The following UGT1A8 variants were observed in gnomAD, a reference collection of about 807,000 sequenced individuals.
UGT1A8 encodes UDP-glucuronosyltransferase 1A8.
UGT1A8 carries 39 observed loss-of-function variants against 45.3 expected under a neutral mutation model. That is an observed-to-expected ratio of 0.86 (90% CI 0.67 to 1.12). UGT1A8 has a LOEUF of 1.12. Ranked by LOEUF, UGT1A8 falls within the 50% of genes most tolerant of loss-of-function variation. The probability of loss-of-function intolerance (pLI) is 0.00; values close to 1 mark genes in which losing one functional copy is unlikely to be tolerated. For synonymous variants in UGT1A8, 275 were observed against 249.2 expected (o/e 1.10, Z -0.97); for missense variants, 719 against 664.9 (o/e 1.08, Z -0.90).
chr2:233,637,747 T>C (rs1010403745), intron 1 of UGT1A8, among the ~76,000 whole-genome samples: 5 of 152,204 alleles, frequency 3.3e-5, no homozygotes, highest in Non-Finnish European at 5.9e-5. Flanking sequence ...AAAAAAAGTA[T>C]TTTAGGCATA....
intron 1 of UGT1A8, among the ~76,000 whole-genome samples, chr2:233,631,253 G>T (rs1248188463): frequency 6.6e-6 from 1 of 152,128 alleles, no homozygotes; most frequent in Non-Finnish European, 1.5e-5. Flanking sequence ...ATGGGCATTT[G>T]AGTTGGTTCC....
At chr2:233,756,247 A>C (rs1418468215) in intron 1 of UGT1A8, 1 of 152,214 alleles carries the variant, frequency 6.6e-6, no homozygotes, top group Non-Finnish European at 1.5e-5. Context: ...CCTTCCCCAT[A>C]CCAAAATCTA....
chr2:233,645,335 A>G (rs1429719426), intron 1 of UGT1A8, among the ~76,000 whole-genome samples: 3 of 152,168 alleles, frequency 2.0e-5, no homozygotes, highest in Admixed American at 6.5e-5. Context: ...CAGCCAAACC[A>G]TATGATTCCA....
At chr2:233,734,487 G>T (rs1258869591) in intron 1 of UGT1A8, among the ~76,000 whole-genome samples, 1 of 151,866 alleles carries the variant, frequency 6.6e-6, no homozygotes, top group East Asian at 1.9e-4. Flanking sequence ...TGATTTTTTT[G>T]AAGGTTTTTT....
At chr2:233,750,181 G>A (rs571998663) in intron 1 of UGT1A8, among the ~76,000 whole-genome samples, 9 of 151,994 alleles carry the variant, frequency 5.9e-5, no homozygotes. Context: ...TGCTGATAAT[G>A]TTGTGGACAA....
intron 1 of UGT1A8, chr2:233,693,961 T>A (rs2075191738): frequency 1.3e-6 from 2 of 1,580,192 alleles, no homozygotes; most frequent in South Asian, 2.4e-5. Flanking sequence ...CCTTGGAGGA[T>A]TTCCTGGAGA....
intron 1 of UGT1A8, among the ~76,000 whole-genome samples, chr2:233,623,558 A>G (rs1455098664): frequency 6.6e-6 from 1 of 152,180 alleles, no homozygotes; most frequent in Non-Finnish European, 1.5e-5. Flanking sequence ...TACTTAATTA[A>G]ATATAAAAAA....
At chr2:233,760,415 T>A (rs2125983730) in intron 1 of UGT1A8, 1 of 1,614,208 alleles carries the variant, frequency 6.2e-7, no homozygotes, top group Non-Finnish European at 8.5e-7. Flanking sequence ...TGGCTGAGCA[T>A]GCTTGGGGCC....
chr2:233,736,950 T>C (rs2078828860), intron 1 of UGT1A8, among the ~76,000 whole-genome samples: 1 of 152,182 alleles, frequency 6.6e-6, no homozygotes, highest in Non-Finnish European at 1.5e-5. Context: ...AGGTGTCTGT[T>C]GGCCCCTACT....
intron 1 of UGT1A8, chr2:233,713,534 C>T (rs1306966284): frequency 6.2e-7 from 1 of 1,613,828 alleles, no homozygotes; most frequent in African/African-American, 1.3e-5. Flanking sequence ...GTGATTTAGA[C>T]TTTAAGGGCA....
chr2:233,754,673 A>G, intron 1 of UGT1A8: 2 of 470,398 alleles, frequency 4.3e-6, no homozygotes, highest in Non-Finnish European at 8.4e-6. Flanking sequence ...TGATTTTTTT[A>G]CCATCAACTA....
chr2:233,760,371 G>A, intron 1 of UGT1A8: 1 of 1,614,158 alleles, frequency 6.2e-7, no homozygotes, highest in Non-Finnish European at 8.5e-7. Flanking sequence ...CCCATGCTGG[G>A]AAGATACTGT....
At chr2:233,679,003 C>G (rs191810541) in intron 1 of UGT1A8, among the ~76,000 whole-genome samples, 7 of 152,324 alleles carry the variant, frequency 4.6e-5, no homozygotes, top group Admixed American at 4.6e-4. Flanking sequence ...ATAACAGTGG[C>G]ATCTTCAGTG....
chr2:233,617,948 T>C lies in UGT1A8; in HGVS notation c.241T>C (p.Tyr81His). 6.2e-7 allele frequency: 1 copy of C among 1,614,204 alleles called. No homozygotes were observed. Among genetic ancestry groups the C allele is most frequent in the South Asian group, 1.1e-5 (1 of 91,076 alleles). Residue 81 changes from tyrosine (Y) to histidine (H), a missense_variant, in exon 1 of 5, where the codon TAC (tyrosine) becomes CAC (histidine). Transcript: ENST00000373450. ...CACAGTGAAGACTTACTCAACCTCA[T>C]ACACTCTGGAGGATCTGGACCGGGA... The part of the protein sequence containing the change: ...NCTVKTYSTS[Y>H]TLEDLDREFM...
At chr2:233,693,486 A>G (rs577594581) in intron 1 of UGT1A8, 2 of 1,614,088 alleles carry the variant, frequency 1.2e-6, no homozygotes, top group African/African-American at 2.7e-5. Context: ...ATCCTGGCTG[A>G]GTATTTGGGC....
intron 1 of UGT1A8, among the ~76,000 whole-genome samples, chr2:233,697,933 GA>G (rs1406564471): frequency 6.6e-6 from 1 of 152,062 alleles, no homozygotes; most frequent in Non-Finnish European, 1.5e-5. Flanking sequence ...TAGGGTATTG[GA>G]AAAAAGTAAA....
chr2:233,704,935 A>T (rs931417654), intron 1 of UGT1A8, among the ~76,000 whole-genome samples: 3 of 152,162 alleles, frequency 2.0e-5, no homozygotes, highest in Non-Finnish European at 4.4e-5. Flanking sequence ...GCCTAGATCA[A>T]GACCAGCCTG....
At chr2:233,636,245 T>C (rs1012883999) in intron 1 of UGT1A8, among the ~76,000 whole-genome samples, 1 of 141,680 alleles carries the variant, frequency 7.1e-6, no homozygotes, top group African/African-American at 2.7e-5. Context: ...TGCTGAATAA[T>C]TCTGTTTCTA....
chr2:233,768,725 G>T (rs933444797), intron 4 of UGT1A8, among the ~76,000 whole-genome samples: 1 of 151,378 alleles, frequency 6.6e-6, no homozygotes, highest in African/African-American at 2.4e-5. Context: ...TGGGATTACA[G>T]GTGTCCACCA....
Sources: gnomAD v4.1 joint callset for allele counts (sites outside exome capture counted in the v4.1 genomes callset) on GRCh38, gnomAD v4.1.1 for gene constraint, MANE v1.5 for transcripts, NCBI Gene and HGNC (gene_info 2026-07-23, HGNC 2026-07-21) for gene names.